Variants in RANBP17 observed in about 807,000 individuals in gnomAD.
RANBP17 encodes RAN binding protein 17.
In RANBP17, 158 loss-of-function variants were observed where a neutral mutation model predicts 141.2. That is an observed-to-expected ratio of 1.12 (90% confidence interval 0.98 to 1.28). RANBP17 has a LOEUF of 1.28. RANBP17 is among the 50% of genes most tolerant of loss of function. The probability of loss-of-function intolerance (pLI) is 0.00; values close to 1 mark genes in which losing one functional copy is unlikely to be tolerated. For missense variants in RANBP17, 1,438 were observed against 1,290.7 expected (o/e 1.11, Z -1.75); for synonymous variants, 430 against 450.0 (o/e 0.96, Z 0.56).
intron 14 of RANBP17, among the ~76,000 whole-genome samples, chr5:171,070,490 T>C (rs1367788310): frequency 1.3e-5 from 2 of 152,132 alleles, no homozygotes; most frequent in African/African-American, 2.4e-5. Flanking sequence ...AAAGATCATT[T>C]TGAGAATTGG....
chr5:171,178,754 C>T (rs1414205219), intron 16 of RANBP17, among the ~76,000 whole-genome samples: 1 of 152,184 alleles, frequency 6.6e-6, no homozygotes, highest in Non-Finnish European at 1.5e-5. Context: ...TTTTGATTTG[C>T]ATTTCTCTAA....
chr5:171,198,886 T>A (rs1445831054), intron 18 of RANBP17, among the ~76,000 whole-genome samples: 3 of 152,220 alleles, frequency 2.0e-5, no homozygotes. Flanking sequence ...TGACTTAGGA[T>A]GAATGAGTGA....
intron 14 of RANBP17, among the ~76,000 whole-genome samples, chr5:171,018,470 A>G (rs1367313999): frequency 2.6e-5 from 4 of 151,974 alleles, no homozygotes; most frequent in African/African-American, 4.8e-5. Flanking sequence ...AGAGGTCCTT[A>G]CATCCCTTGT....
intron 14 of RANBP17, chr5:170,970,527 G>A (rs1224048477): frequency 6.6e-6 from 1 of 152,008 alleles, no homozygotes; most frequent in Non-Finnish European, 1.5e-5. Context: ...TTAATTCCAG[G>A]TATTAGAAGA....
chr5:171,141,332 C>T (rs561670977), intron 14 of RANBP17, among the ~76,000 whole-genome samples: 1 of 151,848 alleles, frequency 6.6e-6, no homozygotes, highest in African/African-American at 2.4e-5. Context: ...CGCAGTGCCT[C>T]ACACCTGTAA....
At chr5:170,979,271 A>G (rs957511429) in intron 14 of RANBP17, among the ~76,000 whole-genome samples, 1 of 152,202 alleles carries the variant, frequency 6.6e-6, no homozygotes, top group East Asian at 1.9e-4. Flanking sequence ...GTGGGTGTGC[A>G]TGGGTGTTTA....
intron 21 of RANBP17, among the ~76,000 whole-genome samples, chr5:171,214,955 A>G (rs572554917): frequency 1.6e-4 from 24 of 152,110 alleles, no homozygotes; most frequent in Admixed American, 3.3e-4. Flanking sequence ...ATAGGTATAC[A>G]TGTGCCATGG....
At chr5:171,083,546 T>C (rs1367851800) in intron 14 of RANBP17, among the ~76,000 whole-genome samples, 1 of 152,224 alleles carries the variant, frequency 6.6e-6, no homozygotes, top group Non-Finnish European at 1.5e-5. Flanking sequence ...CAACACAAGT[T>C]TGAACTGTGC....
chr5:170,932,025 C>A (rs1185080313), intron 12 of RANBP17, among the ~76,000 whole-genome samples: 5 of 152,122 alleles, frequency 3.3e-5, no homozygotes, highest in African/African-American at 1.2e-4. Flanking sequence ...GATATTGATT[C>A]TTCCTATCCA....
intron 27 of RANBP17, among the ~76,000 whole-genome samples, chr5:171,297,265 G>A (rs1413318129): frequency 1.3e-5 from 2 of 152,200 alleles, no homozygotes; most frequent in Non-Finnish European, 2.9e-5. Context: ...AGAATCTACT[G>A]TGTAGGCATT....
intron 14 of RANBP17, among the ~76,000 whole-genome samples, chr5:171,073,326 A>G (rs1467362622): frequency 6.6e-6 from 1 of 152,184 alleles, no homozygotes; most frequent in Non-Finnish European, 1.5e-5. Flanking sequence ...TTTTGACTGG[A>G]TAATGTAAGA....
intron 5 of RANBP17, among the ~76,000 whole-genome samples, chr5:170,902,677 ATGT>A (rs1387407652): frequency 6.6e-6 from 1 of 151,936 alleles, no homozygotes. Flanking sequence ...TTGGTCTTTG[ATGT>A]TGGTGATCTT....
intron 14 of RANBP17, among the ~76,000 whole-genome samples, chr5:171,021,938 T>G (rs1780884186): frequency 6.6e-6 from 1 of 152,196 alleles, no homozygotes; most frequent in Non-Finnish European, 1.5e-5. Context: ...CTGCTAACCC[T>G]TGAATGGGGT....
rs535913862 is a variant in RANBP17 at position 171,283,231 on chromosome 5, T to C, written c.2944-10652T>C. On this transcript the variant is annotated intron_variant, in intron 25 of 27. Coordinates refer to ENST00000523189, the MANE Select transcript of RANBP17 (RefSeq NM_022897.5). ...GCCACTTAAACTGTATCTTCTGCCA[T>C]TGTTTCTATACTGTGTATCTCCTCC... Among the ~76,000 whole-genome samples the C allele has an allele frequency of 1.7e-3, 253 of 152,288 alleles. 1 individual carries two copies. Among genetic ancestry groups the C allele is most frequent in the Non-Finnish European group, 2.8e-3 (189 of 68,020 alleles).
chr5:171,201,972 A>G (rs1224038563), intron 19 of RANBP17, among the ~76,000 whole-genome samples: 2 of 152,224 alleles, frequency 1.3e-5, no homozygotes, highest in African/African-American at 4.8e-5. Flanking sequence ...AAATATCTCT[A>G]TGAAAATGCC....
intron 18 of RANBP17, among the ~76,000 whole-genome samples, chr5:171,198,033 C>T (rs1466286824): frequency 6.6e-6 from 1 of 152,138 alleles, no homozygotes; most frequent in Non-Finnish European, 1.5e-5. Context: ...AGCAAGACTC[C>T]GTCTCAAAAC....
intron 14 of RANBP17, among the ~76,000 whole-genome samples, chr5:171,081,356 A>G (rs184124946): frequency 0.01 from 1,568 of 152,296 alleles, 8 homozygotes; most frequent in Non-Finnish European, 0.016. Context: ...ACTGCTTCCC[A>G]GTATACTCTG....
chr5:171,171,319 G>T (rs908252825), intron 16 of RANBP17, 33 bp downstream of exon 16: 1 of 1,219,282 alleles, frequency 8.2e-7, no homozygotes, highest in Non-Finnish European at 1.2e-6. Context: ...GACATTATGT[G>T]TAAACAACCT....
intron 14 of RANBP17, chr5:171,028,788 C>A: frequency 1.7e-6 from 1 of 591,066 alleles, no homozygotes; most frequent in Non-Finnish European, 2.8e-6. Flanking sequence ...ATGTGCAAAC[C>A]TGCCTTTTTT....
Sources: allele counts gnomAD v4.1 joint callset (sites outside exome capture counted in the v4.1 genomes callset), GRCh38; gene constraint gnomAD v4.1.1; transcripts MANE v1.5; gene names NCBI Gene and HGNC (gene_info 2026-07-23, HGNC 2026-07-21).